The following CHST11 variants were observed in gnomAD, a reference collection of about 807,000 sequenced individuals.
CHST11 encodes carbohydrate sulfotransferase 11.
A neutral mutation model predicts 30.4 loss-of-function variants in CHST11; 9 were observed. The ratio of observed to expected loss-of-function variants is 0.30; its 90% CI spans 0.18 to 0.52. The LOEUF is 0.52. Ranked by LOEUF, CHST11 falls within the 20% of genes least tolerant of loss-of-function variation. CHST11 has a pLI of 0.97. For synonymous variants in CHST11, 152 were observed against 187.8 expected, an observed-to-expected ratio of 0.81 and a Z score of 1.56; for missense variants, 348 against 460.6, an observed-to-expected ratio of 0.76 and a Z score of 2.24.
chr12:104,572,732 C>T (rs959747322), intron 1 of CHST11, among the ~76,000 whole-genome samples: 2 of 152,036 alleles, frequency 1.3e-5, no homozygotes, highest in African/African-American at 4.8e-5. Flanking sequence ...CTGCTCTGAT[C>T]TTAGGTATTT....
intron 1 of CHST11, among the ~76,000 whole-genome samples, chr12:104,468,731 G>A (rs1029266821): frequency 5.3e-5 from 8 of 152,212 alleles, no homozygotes; most frequent in African/African-American, 1.7e-4. Context: ...TTGGGCAAGT[G>A]CCTGGCAAGT....
intron 1 of CHST11, among the ~76,000 whole-genome samples, chr12:104,486,001 G>T (rs2037674228): frequency 6.6e-6 from 1 of 152,110 alleles, no homozygotes; most frequent in Non-Finnish European, 1.5e-5. Context: ...TGTGTGTGTG[G>T]GCATGTGTGT....
rs750220667 is a variant in CHST11 at position 104,757,569 on chromosome 12, C to T, written c.825C>T (p.Leu275=). 3 of 1,614,168 alleles carry T rather than the reference C, an allele frequency of 1.9e-6. No homozygotes were observed. Among genetic ancestry groups the T allele is most frequent in the East Asian group, 2.2e-5 (1 of 44,884 alleles). Reference sequence around the variant, plus strand: ...ATCCCTGCCACATCCACTATGACCTCGTGGGCAAGTACGAGACACTGGAAG... The same window carrying T: ...ATCCCTGCCACATCCACTATGACCTTGTGGGCAAGTACGAGACACTGGAAG... ...LCHPCHIHYD[L]VGKYETLEED... is the part of the protein sequence containing the mutation. The change falls in exon 3 of 3, where the codon CTC becomes CTT. Residue 275 remains leucine, a synonymous_variant. Coordinates refer to ENST00000303694, the MANE Select transcript of CHST11 (RefSeq NM_018413.6). The surrounding 1 kb of genome is among the most constrained non-coding windows in gnomAD (Gnocchi z 6.5).
chr12:104,720,731 GAA>G lies in CHST11; in HGVS notation c.205-36209_205-36208del, dbSNP rs10711712. Reference sequence around the variant, plus strand: ...ATCTGCTGTTTGATTTTAAAAAGGGGAAAAAAAAAATGGAGAGGATCAGTGAG... The same window carrying G: ...ATCTGCTGTTTGATTTTAAAAAGGGGAAAAAAAATGGAGAGGATCAGTGAG... On this transcript the variant is annotated intron_variant, in intron 2 of 2. Transcript: ENST00000303694. Among the ~76,000 whole-genome samples the G allele has an allele frequency of 2.3e-3, 348 of 148,838 alleles. 2 individuals are homozygous for G. Among genetic ancestry groups the G allele is most frequent in the African/African-American group, 6.0e-3 (240 of 40,148 alleles).
At chr12:104,523,910 C>G (rs552966896) in intron 1 of CHST11, among the ~76,000 whole-genome samples, 1 of 152,334 alleles carries the variant, frequency 6.6e-6, no homozygotes, top group African/African-American at 2.4e-5. Flanking sequence ...TCACCTCACC[C>G]TATCCACATA....
intron 1 of CHST11, among the ~76,000 whole-genome samples, chr12:104,486,247 G>A (rs1276584306): frequency 1.3e-5 from 2 of 151,698 alleles, no homozygotes; most frequent in Admixed American, 6.6e-5. Context: ...CCAGTCACGG[G>A]CAGTCTTCCT....
chr12:104,737,860 T>C lies in CHST11; in HGVS notation c.205-19089T>C, dbSNP rs189503136. On this transcript the variant is annotated intron_variant, in intron 2 of 2. Coordinates refer to ENST00000303694, the MANE Select transcript of CHST11 (RefSeq NM_018413.6). ...CAGGCGGAAAGGGAGGGCGAGGCTGTCCCCTGGGAAGGCTGGGTGGCCTGT... is the reference window on the plus strand; with the variant it reads ...CAGGCGGAAAGGGAGGGCGAGGCTGCCCCCTGGGAAGGCTGGGTGGCCTGT... Among the ~76,000 whole-genome samples, 15 of 152,218 alleles carry C rather than the reference T, an allele frequency of 9.9e-5. No homozygotes were observed. The East Asian group carries it at 2.7e-3, about 28-fold the overall frequency.
At chr12:104,726,095 G>A (rs1401963403) in intron 2 of CHST11, among the ~76,000 whole-genome samples, 1 of 152,226 alleles carries the variant, frequency 6.6e-6, no homozygotes, top group East Asian at 1.9e-4. Context: ...TCTGTTGACA[G>A]AGGTCAGAGA....
At chr12:104,611,514 G>A (rs1380319197) in intron 2 of CHST11, among the ~76,000 whole-genome samples, 1 of 152,178 alleles carries the variant, frequency 6.6e-6, no homozygotes, top group Non-Finnish European at 1.5e-5. Context: ...ATTCATCTTG[G>A]GGTGTCCAGT....
At chr12:104,611,542 C>G (rs1343564978) in intron 2 of CHST11, among the ~76,000 whole-genome samples, 3 of 152,172 alleles carry the variant, frequency 2.0e-5, no homozygotes, top group Non-Finnish European at 2.9e-5. Context: ...ATGGGCCAGC[C>G]CCAGAAAAGG....
At chr12:104,467,671 TA>T (rs1260075515) in intron 1 of CHST11, among the ~76,000 whole-genome samples, 11 of 152,320 alleles carry the variant, frequency 7.2e-5, no homozygotes, top group Middle Eastern at 3.4e-3. Flanking sequence ...ATCGTTATCT[TA>T]AATGCCTTGG....
intron 2 of CHST11, among the ~76,000 whole-genome samples, chr12:104,638,854 G>A (rs181036515): frequency 2.6e-4 from 40 of 152,272 alleles, no homozygotes; most frequent in African/African-American, 6.5e-4. Context: ...CCTAGAACTC[G>A]AAAGGTACAG....
chr12:104,750,757 G>A (rs138986011), intron 2 of CHST11, among the ~76,000 whole-genome samples: 1 of 151,828 alleles, frequency 6.6e-6, no homozygotes, highest in Admixed American at 6.6e-5. Flanking sequence ...GCACATTTTA[G>A]TACCATTTTA....
chr12:104,549,836 G>C (rs1053980622), intron 1 of CHST11, among the ~76,000 whole-genome samples: 1 of 152,188 alleles, frequency 6.6e-6, no homozygotes, highest in South Asian at 2.1e-4. Flanking sequence ...GAGCCTGGGA[G>C]GTGGAGGCTG....
intron 2 of CHST11, among the ~76,000 whole-genome samples, chr12:104,683,346 T>C (rs2039815998): frequency 6.6e-6 from 1 of 152,204 alleles, no homozygotes; most frequent in Non-Finnish European, 1.5e-5. Context: ...GTAGTCATCA[T>C]AGGACCAGTA....
intron 2 of CHST11, among the ~76,000 whole-genome samples, chr12:104,694,102 T>C (rs1245274773): frequency 6.6e-6 from 1 of 152,192 alleles, no homozygotes; most frequent in African/African-American, 2.4e-5. Context: ...AAGTTTGTGG[T>C]CTTACCCAGC....
chr12:104,747,558 G>A (rs993300425), intron 2 of CHST11, among the ~76,000 whole-genome samples: 3 of 152,008 alleles, frequency 2.0e-5, no homozygotes, highest in East Asian at 1.9e-4. Context: ...AGAAAGAAAC[G>A]TCATATAATC....
At chr12:104,674,156 T>C (rs944054076) in intron 2 of CHST11, among the ~76,000 whole-genome samples, 1 of 152,194 alleles carries the variant, frequency 6.6e-6, no homozygotes, top group Non-Finnish European at 1.5e-5. Flanking sequence ...TGTTTGTTAA[T>C]ACAGAATCAA....
At chr12:104,574,734 G>C (rs2136026828) in intron 1 of CHST11, among the ~76,000 whole-genome samples, 1 of 152,142 alleles carries the variant, frequency 6.6e-6, no homozygotes, top group East Asian at 1.9e-4. Flanking sequence ...GGGAGGGATA[G>C]CATTAGGAGA....
Sources: allele counts gnomAD v4.1 joint callset (sites outside exome capture counted in the v4.1 genomes callset), GRCh38; gene constraint gnomAD v4.1.1; non-coding constraint Gnocchi (gnomAD v3.1); transcripts MANE v1.5; gene names NCBI Gene and HGNC (gene_info 2026-07-23, HGNC 2026-07-21).